B3GALT1: variants seen among roughly 807,000 people sequenced by gnomAD.
B3GALT1 encodes the protein UDP-Gal:betaGlcNAc beta 1,3-galactosyltransferase, polypeptide 1.
A neutral mutation model predicts 23.2 loss-of-function variants in B3GALT1; 10 were observed. The observed-to-expected ratio is 0.43, with a 90% confidence interval of 0.27 to 0.73. The LOEUF is 0.73. Ranked by LOEUF, B3GALT1 falls within the 30% of genes least tolerant of loss-of-function variation. The pLI is 0.21. For missense variants in B3GALT1, 299 were observed against 405.4 expected (o/e 0.74, Z 2.25); for synonymous variants, 156 against 141.5 (o/e 1.10, Z -0.73).
At chr2:167,336,161 A>G (rs1697054890) in intron 1 of B3GALT1, among the ~76,000 whole-genome samples, 1 of 152,118 alleles carries the variant, frequency 6.6e-6, no homozygotes, top group Non-Finnish European at 1.5e-5. Context: ...CCACAAATTT[A>G]CAGCTGTAAT....
intron 1 of B3GALT1, among the ~76,000 whole-genome samples, chr2:167,413,303 G>T (rs895173745): frequency 2.0e-5 from 3 of 152,030 alleles, no homozygotes; most frequent in African/African-American, 7.2e-5. Context: ...AAATGTTTAT[G>T]TGTACTTAAA....
At chr2:167,587,596 G>A (rs932022252) in intron 2 of B3GALT1, among the ~76,000 whole-genome samples, 5 of 152,164 alleles carry the variant, frequency 3.3e-5, no homozygotes, top group Admixed American at 2.6e-4. Context: ...GGTACTCCAA[G>A]AATCTAAAGC....
intron 2 of B3GALT1, among the ~76,000 whole-genome samples, chr2:167,626,205 A>G (rs1002982060): frequency 6.6e-6 from 1 of 151,446 alleles, no homozygotes; most frequent in African/African-American, 2.4e-5. Context: ...GACCTTAGCC[A>G]TATCAAGATT....
intron 2 of B3GALT1, among the ~76,000 whole-genome samples, chr2:167,583,590 C>A (rs1282399757): frequency 2.0e-5 from 3 of 152,290 alleles, no homozygotes; most frequent in East Asian, 3.9e-4. Context: ...ATATGCATTT[C>A]TCCAGATAGT....
intron 2 of B3GALT1, among the ~76,000 whole-genome samples, chr2:167,584,422 A>G (rs1684550469): frequency 1.3e-5 from 2 of 152,004 alleles, no homozygotes; most frequent in African/African-American, 4.8e-5. Context: ...CCTATTCTCT[A>G]CTCTCAATTC....
At chr2:167,514,664 T>G (rs887257136) in intron 2 of B3GALT1, among the ~76,000 whole-genome samples, 2 of 152,190 alleles carry the variant, frequency 1.3e-5, no homozygotes, top group African/African-American at 4.8e-5. Flanking sequence ...TAGTTTTTGT[T>G]TGTCATCAAA....
Position 167,576,983 on chromosome 2 carries a change from G to A in B3GALT1, c.-409-69926G>A, listed in dbSNP as rs185047487. ...TTTCTCCCATCTGTCCTTATTCCAG[G>A]TCCCCAGGAGTGCTAGGCTTAATGT... On this transcript the variant is annotated intron_variant, in intron 2 of 4. Transcript: ENST00000392690. Among the ~76,000 whole-genome samples the A allele has an allele frequency of 1.1e-3, 167 of 151,696 alleles. 1 individual carries two copies. The highest frequency in any genetic ancestry group is 3.7e-3 in the African/African-American group (152 of 41,458).
intron 1 of B3GALT1, among the ~76,000 whole-genome samples, chr2:167,301,936 A>G (rs921168125): frequency 1.3e-5 from 2 of 152,192 alleles, no homozygotes; most frequent in Non-Finnish European, 2.9e-5. Context: ...AAAACAACAG[A>G]CATCCACAGG....
At chr2:167,650,701 T>C (rs1345258738) in intron 3 of B3GALT1, among the ~76,000 whole-genome samples, 1 of 152,094 alleles carries the variant, frequency 6.6e-6, no homozygotes, top group African/African-American at 2.4e-5. Context: ...TCTCTTGTTA[T>C]AGGTCTGCTC....
intron 3 of B3GALT1, among the ~76,000 whole-genome samples, chr2:167,740,849 A>G (rs1269359306): frequency 2.0e-5 from 3 of 152,098 alleles, no homozygotes; most frequent in Admixed American, 6.6e-5. Flanking sequence ...ACAACCAACC[A>G]CACTTTAGTC....
intron 2 of B3GALT1, among the ~76,000 whole-genome samples, chr2:167,590,157 T>G (rs1422405194): frequency 6.6e-6 from 1 of 151,852 alleles, no homozygotes; most frequent in African/African-American, 2.4e-5. Context: ...CCATCCTGGC[T>G]AACACAGTGA....
At chr2:167,864,278 A>G (rs1690166249) in intron 4 of B3GALT1, among the ~76,000 whole-genome samples, 1 of 152,204 alleles carries the variant, frequency 6.6e-6, no homozygotes, top group Non-Finnish European at 1.5e-5. Flanking sequence ...TGAGGACAGG[A>G]GTGGTGGCTC....
At chr2:167,619,720 C>T (rs1685224120) in intron 2 of B3GALT1, among the ~76,000 whole-genome samples, 1 of 152,066 alleles carries the variant, frequency 6.6e-6, no homozygotes, top group South Asian at 2.1e-4. Flanking sequence ...TTAAGTCTCA[C>T]ATAGGTAATT....
chr2:167,670,375 A>G (rs1472608248), intron 3 of B3GALT1, among the ~76,000 whole-genome samples: 1 of 152,236 alleles, frequency 6.6e-6, no homozygotes, highest in Non-Finnish European at 1.5e-5. Context: ...GAGACCTCCA[A>G]GTCTTTAGCC....
At chr2:167,386,664 C>CATTG in intron 1 of B3GALT1, among the ~76,000 whole-genome samples, 1 of 152,236 alleles carries the variant, frequency 6.6e-6, no homozygotes, top group South Asian at 2.1e-4. Flanking sequence ...TTTCTCCTCT[C>CATTG]ATATCAAAGT....
intron 3 of B3GALT1, among the ~76,000 whole-genome samples, chr2:167,649,988 T>C (rs1457165779): frequency 2.0e-5 from 3 of 151,822 alleles, no homozygotes; most frequent in Non-Finnish European, 4.4e-5. Flanking sequence ...ATCTTTGTCT[T>C]TTTCGTGACC....
chr2:167,785,807 C>T (rs1294492589), intron 3 of B3GALT1, among the ~76,000 whole-genome samples: 2 of 152,260 alleles, frequency 1.3e-5, no homozygotes, highest in Non-Finnish European at 2.9e-5. Context: ...CTCTGGGAAG[C>T]GGCATGCATT....
At chr2:167,382,926 AG>A (rs1452868575) in intron 1 of B3GALT1, among the ~76,000 whole-genome samples, 2 of 152,114 alleles carry the variant, frequency 1.3e-5, no homozygotes, top group Non-Finnish European at 2.9e-5. Flanking sequence ...GATTCAAGGG[AG>A]GATGAAGAGA....
intron 4 of B3GALT1, among the ~76,000 whole-genome samples, chr2:167,867,160 T>C (rs551968892): frequency 1.3e-5 from 2 of 152,160 alleles, no homozygotes; most frequent in Non-Finnish European, 2.9e-5. Flanking sequence ...TCTCCTGACC[T>C]CGTGATCCGC....
Sources: gnomAD v4.1 joint callset for allele counts (sites outside exome capture counted in the v4.1 genomes callset) on GRCh38, gnomAD v4.1.1 for gene constraint, MANE v1.5 for transcripts, NCBI Gene and HGNC (gene_info 2026-07-23, HGNC 2026-07-21) for gene names.